Variants in LARGE1 observed in about 807,000 individuals in gnomAD.
LARGE1 encodes the protein xylosyl- and glucuronyltransferase LARGE1.
LARGE1 carries 43 observed loss-of-function variants against 87.6 expected under a neutral mutation model. The observed-to-expected ratio is 0.49, with a 90% confidence interval of 0.38 to 0.63. The LOEUF is 0.63. Among genes scored for constraint, LARGE1 ranks in the 30% least tolerant of loss-of-function variants. The pLI is 0.00. For synonymous variants in LARGE1, 434 were observed against 394.6 expected, an observed-to-expected ratio of 1.10 and a Z score of -1.18; for missense variants, 802 against 1,000.2, an observed-to-expected ratio of 0.80 and a Z score of 2.67.
intron 1 of LARGE1, among the ~76,000 whole-genome samples, chr22:33,802,941 G>A (rs1163836329): frequency 6.6e-6 from 1 of 152,156 alleles, no homozygotes; most frequent in African/African-American, 2.4e-5. Context: ...CAAGCTGCCT[G>A]GCAAGGCTGG....
chr22:33,169,075 C>G (rs893369289), intron 11 of LARGE1, among the ~76,000 whole-genome samples: 28 of 152,220 alleles, frequency 1.8e-4, no homozygotes, highest in African/African-American at 6.3e-4. Context: ...TAGGAAGCAA[C>G]CCAGAGCATG....
chr22:33,299,474 C>G (rs1382401036), intron 12 of LARGE1, among the ~76,000 whole-genome samples: 1 of 151,880 alleles, frequency 6.6e-6, no homozygotes, highest in African/African-American at 2.4e-5. Context: ...TGAGTAGTAT[C>G]AATATATAGT....
At position 33,252,259 on chromosome 22, in the gene LARGE1, C is replaced by T. The variant is rs894871128; in HGVS notation, c.1730+51970G>A. ...AATGATAATTCCTTCATTCCCCCCC[C>T]CCCCGCCATTTTAAACTCATTAATA... On this transcript the variant is annotated intron_variant, in intron 11 of 11. Transcript: ENST00000608642. Among the ~76,000 whole-genome samples the T allele has an allele frequency of 4.8e-4, 69 of 142,352 alleles. 1 individual carries two copies. Among genetic ancestry groups the T allele is most frequent in the Non-Finnish European group, 6.6e-4 (43 of 65,062 alleles). 93.4% of individuals were successfully genotyped at this position (142,352 alleles called of 152,430 possible).
intron 7 of LARGE1, among the ~76,000 whole-genome samples, chr22:33,386,249 C>T (rs1364840978): frequency 4.0e-5 from 6 of 148,724 alleles, no homozygotes; most frequent in Admixed American, 1.3e-4. Context: ...GGGGCTAAAT[C>T]GGACACTTGT....
At chr22:33,660,090 G>GTTT (rs35643369) in intron 2 of LARGE1, among the ~76,000 whole-genome samples, 2,448 of 125,290 alleles carry the variant, frequency 0.02, 85 homozygotes, top group African/African-American at 0.061. Context: ...GTGTGTGTGT[G>GTTT]TTTTTTTTTT....
chr22:33,632,801 A>G (rs764393254), intron 3 of LARGE1, among the ~76,000 whole-genome samples: 7 of 152,236 alleles, frequency 4.6e-5, no homozygotes, highest in Non-Finnish European at 8.8e-5. Context: ...CCTAAAGGAA[A>G]CGGCACCAAT....
intron 6 of LARGE1, among the ~76,000 whole-genome samples, chr22:33,450,156 T>C (rs928032568): frequency 6.6e-6 from 1 of 151,472 alleles, no homozygotes; most frequent in Non-Finnish European, 1.5e-5. Context: ...AAGTGATCCA[T>C]CCACCTCCAC....
At chr22:33,564,554 C>A (rs879625478) in intron 6 of LARGE1, among the ~76,000 whole-genome samples, 2 of 152,202 alleles carry the variant, frequency 1.3e-5, no homozygotes, top group African/African-American at 4.8e-5. Flanking sequence ...AATGAACACA[C>A]GTCCCGACCA....
At chr22:33,771,542 G>A (rs1389680447) in intron 1 of LARGE1, among the ~76,000 whole-genome samples, 1 of 152,056 alleles carries the variant, frequency 6.6e-6, no homozygotes, top group Non-Finnish European at 1.5e-5. Context: ...CTTCCTGAAT[G>A]ATAAATTTTA....
chr22:33,659,952 C>T (rs2081071979), intron 2 of LARGE1, among the ~76,000 whole-genome samples: 1 of 152,084 alleles, frequency 6.6e-6, no homozygotes, highest in East Asian at 1.9e-4. Context: ...CACCAATTTG[C>T]TGTACCTATA....
At chr22:33,577,267 G>T (rs2078382133) in intron 5 of LARGE1, among the ~76,000 whole-genome samples, 1 of 152,104 alleles carries the variant, frequency 6.6e-6, no homozygotes. Context: ...AAGGCACATA[G>T]GAGAGGGGAG....
At chr22:33,528,875 G>A (rs1476127570) in intron 6 of LARGE1, among the ~76,000 whole-genome samples, 1 of 152,086 alleles carries the variant, frequency 6.6e-6, no homozygotes, top group Non-Finnish European at 1.5e-5. Context: ...TTATTTCTTA[G>A]TACTTAACAT....
rs34754283 is a variant in LARGE1 at position 33,712,637 on chromosome 22, A to AGTGTGTGTGTGTGT, written c.106+48720_106+48733dup. Among the ~76,000 whole-genome samples, 306 of 134,732 alleles carry AGTGTGTGTGTGTGT rather than the reference A, an allele frequency of 2.3e-3. 1 individual carries two copies. The highest frequency in any genetic ancestry group is 6.9e-3 in the African/African-American group (246 of 35,476). The allele number at this position is 134,732 out of a possible 152,430, so 88.4% of individuals were successfully genotyped here. A position where few individuals can be genotyped will look rare whatever the true frequency, so the allele number is the denominator to read the frequency against. On this transcript the variant is annotated intron_variant, in intron 2 of 14. Coordinates refer to ENST00000397394, the MANE Select transcript of LARGE1 (RefSeq NM_133642.5). ...ACAGAAATTGAGGGGTGAGGGGTAC[A>AGTGTGTGTGTGTGT]GTGTGTGTGTGTGTGTGTGTGTGTG...
At chr22:33,750,649 G>A (rs1385862956) in intron 2 of LARGE1, 2 of 151,866 alleles carry the variant, frequency 1.3e-5, no homozygotes, top group African/African-American at 2.4e-5. Context: ...TAACACAAAG[G>A]AGAATATTAT....
chr22:33,344,371 C>T (rs5749605), intron 9 of LARGE1, among the ~76,000 whole-genome samples: 90,686 of 151,892 alleles, frequency 0.6, 27,160 homozygotes, highest in Admixed American at 0.65. Flanking sequence ...CTTCCTGAAA[C>T]TTACAACTTA....
rs554954040 is a variant in LARGE1, at chr22:33,698,657, T to C, written c.107-47989A>G. On this transcript the variant is annotated intron_variant, in intron 2 of 14. Transcript: ENST00000397394. ...ATCTGGATGGACATTTCAGCTCAGC[T>C]ACATCCCAGGTAGGGCCATTTACTG... Among the ~76,000 whole-genome samples the C allele has an allele frequency of 1.8e-3, 270 of 152,302 alleles. 1 individual carries two copies. The highest frequency in any genetic ancestry group is 0.017 in the Middle Eastern group (5 of 292).
intron 10 of LARGE1, among the ~76,000 whole-genome samples, chr22:33,317,909 C>T (rs889632670): frequency 1.3e-5 from 2 of 152,082 alleles, no homozygotes; most frequent in Non-Finnish European, 2.9e-5. Context: ...TGGATGTGCA[C>T]TTTCGTGAAA....
At chr22:33,346,151 G>A (rs892017826) in intron 9 of LARGE1, among the ~76,000 whole-genome samples, 1 of 152,064 alleles carries the variant, frequency 6.6e-6, no homozygotes, top group Non-Finnish European at 1.5e-5. Context: ...TCATGATGCT[G>A]TGCCTTTCCC....
chr22:33,669,011 G>T (rs899081066), intron 2 of LARGE1, among the ~76,000 whole-genome samples: 2 of 152,198 alleles, frequency 1.3e-5, no homozygotes, highest in East Asian at 1.9e-4. Flanking sequence ...AGCCAACCTT[G>T]AGTCTTAACA....
Sources: gnomAD v4.1 joint callset for allele counts (sites outside exome capture counted in the v4.1 genomes callset) on GRCh38, gnomAD v4.1.1 for gene constraint, MANE v1.5 for transcripts, NCBI Gene and HGNC (gene_info 2026-07-23, HGNC 2026-07-21) for gene names.